NT5DC2: variants seen among roughly 807,000 people sequenced by gnomAD.
NT5DC2 encodes 5'-nucleotidase domain containing 2.
In NT5DC2, 41 loss-of-function variants were observed where a neutral mutation model predicts 70.0. The observed-to-expected ratio is 0.59, with a 90% CI of 0.46 to 0.76. The LOEUF (loss-of-function observed/expected upper bound fraction) is 0.76. Ranked by LOEUF, NT5DC2 falls within the 30% of genes least tolerant of loss-of-function variation. The probability of loss-of-function intolerance (pLI) is 0.00; values close to 1 mark genes in which losing one functional copy is unlikely to be tolerated. For missense variants in NT5DC2, 705 were observed against 783.2 expected (o/e 0.90, Z 1.19); for synonymous variants, 299 against 310.4 (o/e 0.96, Z 0.39).
At position 52,528,545 on chromosome 3, in the gene NT5DC2, C is replaced by A; in HGVS notation, c.549-6G>T. On this transcript the variant is annotated splice_region_variant and splice_polypyrimidine_tract_variant and intron_variant, in intron 4 of 13. Transcript: ENST00000422318. Reference sequence around the variant, plus strand: ...CTGGCACAGGCTGGAGGCCCCTGAGCAGGCCCAAGATACCATCAGTCCAAG... The same window carrying A: ...CTGGCACAGGCTGGAGGCCCCTGAGAAGGCCCAAGATACCATCAGTCCAAG... The A allele has an allele frequency of 2.5e-6, 4 of 1,607,084 alleles. No individual in the cohort carries two copies. Among genetic ancestry groups the A allele is most frequent in the Non-Finnish European group, 3.4e-6 (4 of 1,179,388 alleles).
At position 52,525,266 on chromosome 3, in the gene NT5DC2, C is replaced by A. The variant is rs199650625; in HGVS notation, c.1149G>T (p.Thr383=). ...AGAGCACGCGGGGGCCACGCCATTC[C>A]GTCAAGCGTAAGAAGTCAAACAGGT... is the stretch of plus-strand genomic sequence containing the variant. ...QGNLFDFLRL[T]EWRGPRVLYF... Residue 383 remains threonine, a synonymous_variant, in exon 11 of 14, where the codon ACG becomes ACT. Transcript: ENST00000422318. The A allele has an allele frequency of 6.2e-7, 1 of 1,612,838 alleles. No individual in the cohort carries two copies. The highest frequency in any genetic ancestry group is 8.5e-7 in the Non-Finnish European group (1 of 1,179,942).
At position 52,527,942 on chromosome 3, in the gene NT5DC2, A is replaced by G; in HGVS notation, c.833-11T>C. 1 of 1,613,564 alleles carries G rather than the reference A, an allele frequency of 6.2e-7. No individual in the cohort carries two copies. Among genetic ancestry groups the G allele is most frequent in the Non-Finnish European group, 8.5e-7 (1 of 1,179,982 alleles). On this transcript the variant is annotated splice_polypyrimidine_tract_variant and intron_variant, in intron 7 of 13. Transcript: ENST00000422318. The stretch of plus-strand genomic sequence containing the variant: ...TCAGGATGTACTTCTCTAATGGGGC[A>G]GATGAGTCTGTGAGGGTCAGTCCTG...
intron 10 of NT5DC2, among the ~76,000 whole-genome samples, chr3:52,526,803 G>A (rs1389369840): frequency 2.0e-5 from 3 of 152,176 alleles, no homozygotes; most frequent in African/African-American, 7.2e-5. Flanking sequence ...GGGACCACAG[G>A]TGCATGCTAC....
intron 10 of NT5DC2, among the ~76,000 whole-genome samples, chr3:52,526,753 G>T (rs2079280425): frequency 1.3e-5 from 2 of 152,192 alleles, no homozygotes; most frequent in Non-Finnish European, 2.9e-5. Context: ...TCGAACTCCT[G>T]GGCTCAAGTG....
chr3:52,524,789 G>GACTC (rs2153234392), intron 13 of NT5DC2, 28 bp downstream of exon 13: 1 of 1,612,526 alleles, frequency 6.2e-7, no homozygotes, highest in Admixed American at 1.7e-5. Flanking sequence ...GCTTGGCTGG[G>GACTC]ACTCCTGCCC....
Position 52,524,510 on chromosome 3 carries a change from A to G in NT5DC2, c.1634T>C (p.Met545Thr). The G allele has an allele frequency of 6.2e-7, 1 of 1,612,944 alleles. No homozygotes were observed. Among genetic ancestry groups the G allele is most frequent in the South Asian group, 1.1e-5 (1 of 91,092 alleles). ...LWMDQLCTGCMKTPFLGDMAH... is the reference protein window; with the variant it reads ...LWMDQLCTGCTKTPFLGDMAH... ...CATGTCACCAAGGAAGGGGGTCTTC[A>G]TGCAGCCGGTGCAGAGCTGGTCCAT... The change falls in exon 14 of 14, where the codon ATG (methionine) becomes ACG (threonine). Residue 545 changes from methionine to threonine, a missense_variant. By Grantham distance (81) the Met-to-Thr change is moderately conservative. Transcript: ENST00000422318.
rs1559735132 is a variant in NT5DC2, at chr3:52,525,145, TG to T, written c.1207-43del. On this transcript the variant is annotated intron_variant, in intron 11 of 13. Transcript: ENST00000422318. ...CAGAACTGGGCTCAGCGCCAGTTGC[TG>T]GGGGCGGGGGGGGGGGGGTTTCCTG... The T allele has an allele frequency of 1.6e-5, 8 of 512,300 alleles. No homozygotes were observed. The African/African-American group carries it at 3.8e-4, about 24-fold the overall frequency. 31.7% of individuals were successfully genotyped at this position (512,300 alleles called of 1,614,324 possible). A position where few individuals can be genotyped will look rare whatever the true frequency, so the allele number is the denominator to read the frequency against.
chr3:52,532,537 A>G, intron 1 of NT5DC2: 1 of 980,072 alleles, frequency 1.0e-6, no homozygotes, highest in Non-Finnish European at 1.2e-6. Context: ...CTAGCCAGTT[A>G]GAATCTTCCA....
In NT5DC2 at chr3:52,524,753, G is replaced by A. The variant is rs369389887; in HGVS notation, c.1413-22C>T. ...GCACCTGGCGAGGGAGACACGATGCGCTCAAGGGGTGGGCCTGGGGTGGTG... is the reference window on the plus strand; with the variant it reads ...GCACCTGGCGAGGGAGACACGATGCACTCAAGGGGTGGGCCTGGGGTGGTG... On this transcript the variant is annotated intron_variant, in intron 13 of 13. Coordinates refer to ENST00000422318, the MANE Select transcript of NT5DC2 (RefSeq NM_001134231.2). 296 of 1,612,622 alleles carry A rather than the reference G, an allele frequency of 1.8e-4. 4 individuals carry two copies. The South Asian group carries it at 2.2e-3, about 12-fold the overall frequency.
Position 52,528,650 on chromosome 3 carries a change from C to A in NT5DC2, c.535G>T (p.Gly179Trp). 6.3e-7 allele frequency: 1 copy of A among 1,584,670 alleles called. No individual in the cohort carries two copies. Among genetic ancestry groups the A allele is most frequent in the African/African-American group, 1.3e-5 (1 of 74,392 alleles). Residue 179 changes from glycine to tryptophan, a missense_variant, in exon 4 of 14, where the codon GGG (glycine) becomes TGG (tryptophan). Coordinates refer to ENST00000422318, the MANE Select transcript of NT5DC2 (RefSeq NM_001134231.2). ...KIDAFHYVQL[G>W]TAYRGLQPVP... ...GAGCCGACTGACCTGTAGGCTGTCCCCAGCTGCACGTAGTGGAAGGCGTCA... is the reference window on the plus strand; with the variant it reads ...GAGCCGACTGACCTGTAGGCTGTCCACAGCTGCACGTAGTGGAAGGCGTCA...
chr3:52,533,912 G>A (rs2079396341), upstream of NT5DC2: 3 of 872,296 alleles, frequency 3.4e-6, no homozygotes, highest in Non-Finnish European at 4.1e-6. Context: ...GGCCCGGGGG[G>A]CGGGAGGCCC....
chr3:52,528,331 C>G lies in NT5DC2; in HGVS notation c.643-20G>C. ...GGGACCCTGGGGAGGGGGCCATTGT[C>G]TCAGACACCCTTTGGGACCCCAACC... On this transcript the variant is annotated intron_variant, in intron 5 of 13. Transcript: ENST00000422318. 6.2e-7 allele frequency: 1 copy of G among 1,613,138 alleles called. No homozygotes were observed. The highest frequency in any genetic ancestry group is 8.5e-7 in the Non-Finnish European group (1 of 1,180,008).
intron 1 of NT5DC2, chr3:52,532,333 C>T (rs1040175928): frequency 4.1e-6 from 4 of 985,246 alleles, no homozygotes; most frequent in African/African-American, 1.7e-5. Flanking sequence ...GGGTCTTCTC[C>T]GGGCCCAGAG....
chr3:52,525,958 A>G (rs2079259231), intron 10 of NT5DC2: 1 of 152,416 alleles, frequency 6.6e-6, no homozygotes, highest in Non-Finnish European at 1.5e-5. Context: ...GGAGAAGCCA[A>G]TTGCTGAACT....
chr3:52,528,616 G>GGGGGGGGGGGGGGGCC, intron 4 of NT5DC2, 21 bp downstream of exon 4: 1 of 680,086 alleles, frequency 1.5e-6, no homozygotes, highest in Non-Finnish European at 2.4e-6. Flanking sequence ...CGGGGGTGGG[G>GGGGGGGGGGGGGGGCC]TTGGGGCAGA....
rs146693208 is a variant in NT5DC2, at chr3:52,526,745, G to A, written c.1119+549C>T. Among the ~76,000 whole-genome samples, 15 of 152,244 alleles carry A rather than the reference G, an allele frequency of 9.9e-5. No individual in the cohort carries two copies. The East Asian group carries it at 1.9e-3, about 20-fold the overall frequency. Reference sequence around the variant, plus strand: ...TGTGATCACAGCTCACCACAGCCTCGAACTCCTGGGCTCAAGTGATCCTCC... The same window carrying A: ...TGTGATCACAGCTCACCACAGCCTCAAACTCCTGGGCTCAAGTGATCCTCC... On this transcript the variant is annotated intron_variant, in intron 10 of 13. Coordinates refer to ENST00000422318, the MANE Select transcript of NT5DC2 (RefSeq NM_001134231.2).
At chr3:52,527,146 G>T in intron 10 of NT5DC2, 148 bp downstream of exon 10, 1 of 710,422 alleles carries the variant, frequency 1.4e-6, no homozygotes. Context: ...AGGCCACCCA[G>T]ACCTGCTCCC....
At chr3:52,533,422 G>A (rs1162418132) in intron 1 of NT5DC2, 84 bp downstream of exon 1, 3 of 1,370,922 alleles carry the variant, frequency 2.2e-6, no homozygotes, top group African/African-American at 1.5e-5. Flanking sequence ...GTGTTTCCCC[G>A]GAGGAGCGGC....
chr3:52,533,540 C>A lies in NT5DC2; in HGVS notation c.198G>T (p.Trp66Cys). ...TSGADLSAHL[W>C]ARYQDMRRLV... ...GTCTCCGCATGTCCTGGTAGCGAGC[C>A]CATAGGTGCGCGCTGAGGTCGGCGC... The change falls in exon 1 of 14, where the codon TGG (tryptophan) becomes TGT (cysteine). Residue 66 changes from tryptophan (W) to cysteine (C), a missense_variant. Trp to Cys is a radical substitution (Grantham distance 215, BLOSUM62 -2). Coordinates refer to ENST00000422318, the MANE Select transcript of NT5DC2 (RefSeq NM_001134231.2). 1.4e-6 allele frequency: 2 copies of A among 1,416,138 alleles called. No homozygotes were observed. Among genetic ancestry groups the A allele is most frequent in the Non-Finnish European group, 1.8e-6 (2 of 1,084,678 alleles). The allele number at this position is 1,416,138 out of a possible 1,614,324, so 87.7% of individuals were successfully genotyped here. A position where few individuals can be genotyped will look rare whatever the true frequency, so the allele number is the denominator to read the frequency against.
Sources: allele counts gnomAD v4.1 joint callset (sites outside exome capture counted in the v4.1 genomes callset), GRCh38; gene constraint gnomAD v4.1.1; transcripts MANE v1.5; gene names NCBI Gene and HGNC (gene_info 2026-07-23, HGNC 2026-07-21).